PRR13: variants seen among roughly 807,000 people sequenced by gnomAD.
The protein encoded by PRR13 is proline rich 13, also known as proline-rich protein 13.
A neutral mutation model predicts 11.5 loss-of-function variants in PRR13; 7 were observed. That is an observed-to-expected ratio of 0.61 (90% CI 0.34 to 1.14). The LOEUF (loss-of-function observed/expected upper bound fraction) is 1.14, where lower values mean the gene tolerates loss of function less well. PRR13 is among the 50% of genes most tolerant of loss of function. PRR13 has a pLI of 0.03. For missense variants in PRR13, 155 were observed against 194.4 expected (o/e 0.80, Z 1.21); for synonymous variants, 53 against 67.8 (o/e 0.78, Z 1.07).
rs1024978930 is a variant in PRR13 at position 53,446,596 on chromosome 12, T to C, written c.*537T>C. The stretch of plus-strand genomic sequence containing the variant: ...ACCTCTCCTCCTTAGCCCAATATGC[T>C]GTCTTGGGTCCTATTCAAATAAAGT... On this transcript the variant is annotated 3_prime_UTR_variant, in exon 4 of 4. Coordinates refer to ENST00000429243, the MANE Select transcript of PRR13 (RefSeq NM_018457.4). 3 of 156,964 alleles carry C rather than the reference T, an allele frequency of 1.9e-5. No individual in the cohort carries two copies. Among genetic ancestry groups the C allele is most frequent in the African/African-American group, 7.2e-5 (3 of 41,592 alleles). The allele number at this position is 156,964 out of a possible 1,614,324, so 9.7% of individuals were successfully genotyped here.
At position 53,443,909 on chromosome 12, in the gene PRR13, C is replaced by T. The variant is rs1269729175; in HGVS notation, c.402+136C>T. ...TGTGTCGCTCTGGTAGATGATTCTT[C>T]CTTTTTATAAAAGATTGCTACTGGG... is the stretch of plus-strand genomic sequence containing the variant. On this transcript the variant is annotated intron_variant, in intron 3 of 3. Transcript: ENST00000429243. The T allele has an allele frequency of 3.1e-5, 33 of 1,081,876 alleles. No homozygotes were observed. In the East Asian group the frequency reaches 8.6e-4, roughly 28 times the overall value. 67.0% of individuals were successfully genotyped at this position (1,081,876 alleles called of 1,614,324 possible). A position where few individuals can be genotyped will look rare whatever the true frequency, so the allele number is the denominator to read the frequency against.
At chr12:53,443,001 C>G in intron 2 of PRR13, 1 of 392,514 alleles carries the variant, frequency 2.5e-6, no homozygotes, top group Non-Finnish European at 4.5e-6. Context: ...AGATTACAGA[C>G]GCATGCTATC....
In PRR13 at chr12:53,443,483, C is replaced by G. The variant is rs1183099547; in HGVS notation, c.112C>G (p.Pro38Ala). 5 of 1,454,646 alleles carry G rather than the reference C, an allele frequency of 3.4e-6. No individual in the cohort carries two copies. The highest frequency in any genetic ancestry group is 4.5e-6 in the Non-Finnish European group (5 of 1,099,398). 90.1% of individuals were successfully genotyped at this position (1,454,646 alleles called of 1,614,324 possible). ...ACCACCTATTAATCCACCCTTTCCC[C>G]CAGGCCCCTGTCCTCCTCCCCCAGG... ...HPPPINPPFP[P>A]GPCPPPPGAP... Residue 38 changes from proline (P) to alanine (A), a missense_variant, in exon 3 of 4, where the codon CCA becomes GCA. Coordinates refer to ENST00000429243, the MANE Select transcript of PRR13 (RefSeq NM_018457.4).
chr12:53,441,886 T>A, intron 1 of PRR13, 94 bp downstream of exon 1: 1 of 694,440 alleles, frequency 1.4e-6, no homozygotes, highest in African/African-American at 1.8e-5. Context: ...TCATTTGCCT[T>A]TTTTCTTTTT....
Position 53,443,703 on chromosome 12 carries a change from A to C in PRR13, c.332A>C (p.Lys111Thr). The change falls in exon 3 of 4, where the codon AAG becomes ACG. Residue 111 changes from lysine to threonine, a missense_variant. Coordinates refer to ENST00000429243, the MANE Select transcript of PRR13 (RefSeq NM_018457.4). ...GTGATAGTAGACAAGAAGATGCAGA[A>C]GAAAATGAAGAAAGCTCATAAAAAG... ...PAVIVDKKMQ[K>T]KMKKAHKKMH... 6.2e-7 allele frequency: 1 copy of C among 1,614,192 alleles called. No homozygotes were observed. The highest frequency in any genetic ancestry group is 2.2e-5 in the East Asian group (1 of 44,886).
chr12:53,445,369 TGAAGAGAACC>T (rs1940382950), intron 3 of PRR13, among the ~76,000 whole-genome samples: 1 of 148,406 alleles, frequency 6.7e-6, no homozygotes, highest in African/African-American at 2.5e-5. Context: ...AAAAAAGGTC[TGAAGAGAACC>T]GAAGAGAATT....
At chr12:53,445,793 C>T (rs1319777776) in intron 3 of PRR13, among the ~76,000 whole-genome samples, 3 of 152,076 alleles carry the variant, frequency 2.0e-5, no homozygotes, top group Non-Finnish European at 4.4e-5. Flanking sequence ...TTTTAAATTC[C>T]GTGTGATAAT....
intron 2 of PRR13, 98 bp from the exon 3 acceptor site, chr12:53,443,293 C>G (rs1375326830): frequency 2.5e-6 from 3 of 1,217,612 alleles, no homozygotes; most frequent in Non-Finnish European, 3.2e-6. Context: ...TTTCCGTTTC[C>G]CTTTAAGTAT....
intron 3 of PRR13, 97 bp from the exon 4 acceptor site, chr12:53,445,918 G>T: frequency 6.3e-7 from 1 of 1,579,822 alleles, no homozygotes; most frequent in Non-Finnish European, 8.7e-7. Context: ...GGATACTTGG[G>T]TGGAGGGGTG....
intron 3 of PRR13, 142 bp downstream of exon 3, chr12:53,443,915 T>C: frequency 3.0e-6 from 3 of 1,011,660 alleles, no homozygotes; most frequent in East Asian, 5.3e-5. Flanking sequence ...TCTTCCTTTT[T>C]ATAAAAGATT....
intron 3 of PRR13, among the ~76,000 whole-genome samples, chr12:53,445,487 C>T (rs1940385612): frequency 6.6e-6 from 1 of 151,994 alleles, no homozygotes; most frequent in Non-Finnish European, 1.5e-5. Context: ...GCTTAAGGAA[C>T]CTTGAATAGA....
chr12:53,443,364 A>T (rs1443466037), intron 2 of PRR13, 27 bp from the exon 3 acceptor site: 5 of 1,363,186 alleles, frequency 3.7e-6, no homozygotes, highest in Non-Finnish European at 4.8e-6. Flanking sequence ...GGGAATTCTA[A>T]TGTTTATTCT....
chr12:53,442,083 A>G, intron 1 of PRR13: 1 of 485,480 alleles, frequency 2.1e-6, no homozygotes, highest in Non-Finnish European at 3.6e-6. Context: ...AGTTCCAGGG[A>G]AAGGGAGATG....
chr12:53,442,635 G>T (rs1415897515), intron 1 of PRR13, 60 bp from the exon 2 acceptor site: 1 of 1,466,686 alleles, frequency 6.8e-7, no homozygotes, highest in Non-Finnish European at 9.5e-7. Flanking sequence ...GGGCTCCGGT[G>T]CTAAGTCCAC....
At chr12:53,443,328 TTTG>T (rs1216294092) in intron 2 of PRR13, 60 bp from the exon 3 acceptor site, 8 of 1,300,140 alleles carry the variant, frequency 6.2e-6, no homozygotes, top group South Asian at 2.7e-5. Context: ...TCTCTTTCTT[TTTG>T]TTGTTTGTTG....
intron 2 of PRR13, chr12:53,442,940 T>TC: frequency 4.4e-6 from 2 of 457,712 alleles, no homozygotes; most frequent in Non-Finnish European, 7.6e-6. Context: ...CACTGCAACC[T>TC]CCGCCTCCTG....
intron 1 of PRR13, 168 bp downstream of exon 1, chr12:53,441,960 C>A (rs1239879033): frequency 3.2e-6 from 2 of 625,940 alleles, no homozygotes; most frequent in Admixed American, 2.8e-5. Context: ...TTCCTTCTTA[C>A]TTCGCCTCGA....
At position 53,443,214 on chromosome 12, in the gene PRR13, C is replaced by T. The variant is rs538639858; in HGVS notation, c.20-177C>T. The T allele has an allele frequency of 2.5e-4, 152 of 618,230 alleles. No individual in the cohort carries two copies. The African/African-American group carries it at 2.6e-3, about 11-fold the overall frequency. 38.3% of individuals were successfully genotyped at this position (618,230 alleles called of 1,614,324 possible). A position where few individuals can be genotyped will look rare whatever the true frequency, so the allele number is the denominator to read the frequency against. ...TGTCTCCCTCCTCTCCCTAGCCCTTCCAGGGACATTCCCCCTTTTCTCCCC... is the reference window on the plus strand; with the variant it reads ...TGTCTCCCTCCTCTCCCTAGCCCTTTCAGGGACATTCCCCCTTTTCTCCCC... On this transcript the variant is annotated intron_variant, in intron 2 of 3. Transcript: ENST00000429243.
chr12:53,442,591 G>T, intron 1 of PRR13, 104 bp from the exon 2 acceptor site: 1 of 959,376 alleles, frequency 1.0e-6, no homozygotes, highest in Non-Finnish European at 1.7e-6. Context: ...CTCCAGGTAG[G>T]AGAGCCTACT....
Sources: gnomAD v4.1 joint callset for allele counts (sites outside exome capture counted in the v4.1 genomes callset) on GRCh38, gnomAD v4.1.1 for gene constraint, MANE v1.5 for transcripts, NCBI Gene and HGNC (gene_info 2026-07-23, HGNC 2026-07-21) for gene names.